CWC27: variants seen among roughly 807,000 people sequenced by gnomAD.
CWC27 encodes spliceosome-associated protein CWC27 homolog.
Under a neutral mutation model 63.6 loss-of-function variants are expected in CWC27, and 47 were observed. The ratio of observed to expected loss-of-function variants is 0.74; its 90% CI spans 0.58 to 0.94. CWC27 has a LOEUF of 0.94. Among genes scored for constraint, CWC27 ranks in the 40% least tolerant of loss-of-function variants. CWC27 has a pLI of 0.00. For synonymous variants in CWC27, 175 were observed against 179.8 expected, an observed-to-expected ratio of 0.97 and a Z score of 0.22; for missense variants, 495 against 554.3, an observed-to-expected ratio of 0.89 and a Z score of 1.07.
rs138732110 is a variant in CWC27, at chr5:64,813,978, C to T, written c.938+9592C>T. Among the ~76,000 whole-genome samples the T allele has an allele frequency of 4.4e-3, 673 of 152,246 alleles. 4 individuals carry two copies. Among genetic ancestry groups the T allele is most frequent in the Middle Eastern group, 0.031 (9 of 294 alleles). Reference sequence around the variant, plus strand: ...TCCTCTAACTCAAGCTTGTCCAACCCGTGGCCCATGGGTCACATGCAGTCC... The same window carrying T: ...TCCTCTAACTCAAGCTTGTCCAACCTGTGGCCCATGGGTCACATGCAGTCC... On this transcript the variant is annotated intron_variant, in intron 10 of 13. Transcript: ENST00000381070.
At chr5:64,781,436 A>G (rs943141895) in intron 2 of CWC27, among the ~76,000 whole-genome samples, 14 of 152,292 alleles carry the variant, frequency 9.2e-5, no homozygotes, top group Non-Finnish European at 1.9e-4. Context: ...TAAGGTATTT[A>G]TCTTTGCCAG....
intron 12 of CWC27, among the ~76,000 whole-genome samples, chr5:64,974,206 C>G (rs1470263361): frequency 6.6e-6 from 1 of 151,852 alleles, no homozygotes; most frequent in Non-Finnish European, 1.5e-5. Context: ...CCATTGCACT[C>G]CAGCCTGGGT....
intron 10 of CWC27, among the ~76,000 whole-genome samples, chr5:64,829,641 C>CTTTTTTT (rs564183984): frequency 7.9e-6 from 1 of 126,264 alleles, no homozygotes. Flanking sequence ...CTTTTATTCA[C>CTTTTTTT]TTTTTTTTTT....
In CWC27 at chr5:64,769,162, A is replaced by G. The variant is rs746999665; in HGVS notation, c.16A>G (p.Ile6Val). 1.6e-5 allele frequency: 26 copies of G among 1,613,966 alleles called. No homozygotes were observed. The African/African-American group carries it at 3.5e-4, about 22-fold the overall frequency. Residue 6 changes from isoleucine (I) to valine (V), a missense_variant, in exon 1 of 14, where the codon ATC becomes GTC. Transcript: ENST00000381070. ...ACTGACCAAGATGAGCAACATCTAC[A>G]TCCAGGAGCCTCCCACGAATGGGAA... The part of the protein sequence containing the change: MSNIY[I>V]QEPPTNGKVL...
chr5:64,983,787 AT>A (rs1369454899), intron 13 of CWC27, among the ~76,000 whole-genome samples: 5 of 151,982 alleles, frequency 3.3e-5, no homozygotes, highest in Admixed American at 2.0e-4. Context: ...ACTTTTCTAA[AT>A]TTTTTCTCAC....
chr5:64,820,126 C>CT (rs967732796), intron 10 of CWC27, among the ~76,000 whole-genome samples: 5 of 151,920 alleles, frequency 3.3e-5, no homozygotes, highest in Admixed American at 2.0e-4. Context: ...TTGAACTGTT[C>CT]TTTTTTTTAA....
intron 11 of CWC27, among the ~76,000 whole-genome samples, chr5:64,967,530 A>G (rs1011387094): frequency 5.9e-5 from 9 of 151,990 alleles, no homozygotes; most frequent in Non-Finnish European, 1.2e-4. Flanking sequence ...AAGACTTACT[A>G]TAAACCTGCA....
At chr5:64,884,110 G>A (rs1747009975) in intron 10 of CWC27, 1 of 152,114 alleles carries the variant, frequency 6.6e-6, no homozygotes, top group Admixed American at 6.5e-5. Flanking sequence ...AGGAACTTAT[G>A]AGTGCTGATG....
intron 11 of CWC27, among the ~76,000 whole-genome samples, chr5:64,970,939 AAG>A (rs1177013141): frequency 4.1e-4 from 58 of 142,092 alleles, no homozygotes; most frequent in Non-Finnish European, 4.4e-4. Flanking sequence ...AGCCAAAGAG[AAG>A]AGAGAGAGAG....
chr5:64,843,098 A>G (rs1334800215), intron 10 of CWC27, among the ~76,000 whole-genome samples: 1 of 152,196 alleles, frequency 6.6e-6, no homozygotes, highest in Non-Finnish European at 1.5e-5. Flanking sequence ...TGTTTTTCTA[A>G]AATGATATTT....
At chr5:64,817,470 T>C (rs1745071971) in intron 10 of CWC27, among the ~76,000 whole-genome samples, 1 of 152,126 alleles carries the variant, frequency 6.6e-6, no homozygotes, top group South Asian at 2.1e-4. Flanking sequence ...AATTTAGAAA[T>C]CATTTTTTTC....
At chr5:64,786,386 G>A in intron 5 of CWC27, 138 bp from the exon 6 acceptor site, 1 of 462,630 alleles carries the variant, frequency 2.2e-6, no homozygotes, top group Non-Finnish European at 3.9e-6. Context: ...ATGTTGTGTA[G>A]TAAATATATA....
chr5:65,012,568 C>G (rs945525764), intron 13 of CWC27, among the ~76,000 whole-genome samples: 1 of 152,168 alleles, frequency 6.6e-6, no homozygotes, highest in African/African-American at 2.4e-5. Flanking sequence ...CTTTGTTTTA[C>G]CAGTGTCCAG....
At chr5:64,772,610 G>A in intron 1 of CWC27, among the ~76,000 whole-genome samples, 1 of 103,650 alleles carries the variant, frequency 9.6e-6, no homozygotes, top group African/African-American at 3.9e-5. Context: ...CTGGGAGACA[G>A]TGAGACTCTG....
chr5:64,846,321 G>A (rs758216593), intron 10 of CWC27, among the ~76,000 whole-genome samples: 6 of 152,116 alleles, frequency 3.9e-5, no homozygotes, highest in Non-Finnish European at 8.8e-5. Flanking sequence ...AATATTAATA[G>A]CAGCTATAGC....
chr5:64,860,643 G>C (rs1300974807), intron 10 of CWC27, among the ~76,000 whole-genome samples: 3 of 152,056 alleles, frequency 2.0e-5, no homozygotes, highest in Non-Finnish European at 1.5e-5. Context: ...AGTCTTTCTG[G>C]CTTAAAATTT....
intron 11 of CWC27, among the ~76,000 whole-genome samples, chr5:64,906,816 A>G (rs1293336942): frequency 1.3e-5 from 2 of 152,206 alleles, no homozygotes; most frequent in East Asian, 3.8e-4. Flanking sequence ...CTAACATTTA[A>G]GTCTTTAATT....
At chr5:64,907,130 G>A (rs1747662786) in intron 11 of CWC27, among the ~76,000 whole-genome samples, 1 of 152,170 alleles carries the variant, frequency 6.6e-6, no homozygotes, top group East Asian at 1.9e-4. Context: ...TTTTGGCTTA[G>A]GATTGACTTG....
chr5:64,830,412 T>C (rs971257069), intron 10 of CWC27, among the ~76,000 whole-genome samples: 22 of 152,242 alleles, frequency 1.4e-4, no homozygotes, highest in Admixed American at 6.5e-4. Flanking sequence ...CTTTACACCT[T>C]ATAGAAAAAT....
Sources: gnomAD v4.1 joint callset for allele counts (sites outside exome capture counted in the v4.1 genomes callset) on GRCh38, gnomAD v4.1.1 for gene constraint, MANE v1.5 for transcripts, NCBI Gene and HGNC (gene_info 2026-07-23, HGNC 2026-07-21) for gene names.